CMPK1: variants seen among roughly 807,000 people sequenced by gnomAD.
The protein encoded by CMPK1 is cytidine/uridine monophosphate kinase 1, also known as UMP-CMP kinase.
Under a neutral mutation model 25.7 loss-of-function variants are expected in CMPK1, and 10 were observed. That is an observed-to-expected ratio of 0.39 (90% CI 0.24 to 0.66). CMPK1 has a LOEUF of 0.66. Ranked by LOEUF, CMPK1 falls within the 30% of genes least tolerant of loss-of-function variation. CMPK1 has a pLI of 0.48. For synonymous variants in CMPK1, 106 were observed against 101.5 expected, an observed-to-expected ratio of 1.04 and a Z score of -0.27; for missense variants, 199 against 280.5, an observed-to-expected ratio of 0.71 and a Z score of 2.08.
intron 1 of CMPK1, among the ~76,000 whole-genome samples, chr1:47,363,637 CA>C (rs1646618762): frequency 6.9e-6 from 1 of 145,568 alleles, no homozygotes. Context: ...GACTCCGCCT[CA>C]AAAACAAATA....
intron 1 of CMPK1, among the ~76,000 whole-genome samples, chr1:47,336,076 T>G (rs530558833): frequency 6.2e-4 from 94 of 152,082 alleles, no homozygotes; most frequent in Non-Finnish European, 1.2e-3. Flanking sequence ...ACTTGTCTTT[T>G]AAAAAGTAAA....
intron 1 of CMPK1, among the ~76,000 whole-genome samples, chr1:47,361,442 C>G (rs193256676): frequency 6.6e-6 from 1 of 152,048 alleles, no homozygotes; most frequent in African/African-American, 2.4e-5. Context: ...AGGTCAAAGG[C>G]GAACTATAGG....
chr1:47,363,213 C>A (rs973882119), intron 1 of CMPK1, among the ~76,000 whole-genome samples: 2 of 152,132 alleles, frequency 1.3e-5, no homozygotes, highest in African/African-American at 4.8e-5. Flanking sequence ...TTGGAGGTAA[C>A]CCCCATCATA....
In CMPK1 at chr1:47,341,521, A is replaced by G. The variant is rs541103370; in HGVS notation, c.171+7405A>G. Among the ~76,000 whole-genome samples the G allele has an allele frequency of 5.3e-5, 8 of 152,220 alleles. No individual in the cohort carries two copies. The South Asian group carries it at 1.2e-3, about 24-fold the overall frequency. On this transcript the variant is annotated intron_variant, in intron 1 of 5. Transcript: ENST00000371873. ...GTAGCTGAGATTACAGGTGTGTGCT[A>G]CCACGCCTGGCTAATTTTTGTGTTT... is the stretch of plus-strand genomic sequence containing the variant.
At chr1:47,364,313 G>T (rs992935191) in intron 1 of CMPK1, among the ~76,000 whole-genome samples, 5 of 151,574 alleles carry the variant, frequency 3.3e-5, no homozygotes, top group East Asian at 1.9e-4. Flanking sequence ...TTTTGTTTTG[G>T]TTTGGTTTTT....
intron 1 of CMPK1, among the ~76,000 whole-genome samples, chr1:47,346,636 T>A (rs1294741217): frequency 2.0e-5 from 3 of 151,938 alleles, no homozygotes; most frequent in Non-Finnish European, 4.4e-5. Context: ...CCCAAGTAAC[T>A]GGCACTACAG....
rs190918062 is a variant in CMPK1 at position 47,357,630 on chromosome 1, A to T, written c.172-10839A>T. Among the ~76,000 whole-genome samples, 408 of 151,726 alleles carry T rather than the reference A, an allele frequency of 2.7e-3. 3 individuals carry two copies. The highest frequency in any genetic ancestry group is 9.1e-3 in the African/African-American group (377 of 41,422). On this transcript the variant is annotated intron_variant, in intron 1 of 5. Transcript: ENST00000371873. ...CTCCTGAGTAGCTGGGATTACAGGC[A>T]CCCGCCGTCATGCGTGGCTGATTTT...
At chr1:47,375,357 G>A in intron 5 of CMPK1, 64 bp downstream of exon 5, 2 of 1,156,368 alleles carry the variant, frequency 1.7e-6, no homozygotes, top group African/African-American at 1.6e-5. Context: ...TTTGTTTTGG[G>A]GTAAGCAGGA....
In CMPK1 at chr1:47,333,879, T is replaced by TCCACG. The variant is rs1553186815; in HGVS notation, c.-65_-64insACGCC. 3.4e-5 allele frequency: 38 copies of TCCACG among 1,102,542 alleles called. No individual in the cohort carries two copies. Among genetic ancestry groups the TCCACG allele is most frequent in the Admixed American group, 9.7e-5 (2 of 20,528 alleles). 68.3% of individuals were successfully genotyped at this position (1,102,542 alleles called of 1,614,324 possible). A position where few individuals can be genotyped will look rare whatever the true frequency, so the allele number is the denominator to read the frequency against. On this transcript the variant is annotated 5_prime_UTR_variant, in exon 1 of 6. Transcript: ENST00000371873. Reference sequence around the variant, plus strand: ...CAGCCCGCCCCTTTCTCCCGCCGCCTCCCCGCCCCGCCCCGCGCCGCGCCG... The same window carrying TCCACG: ...CAGCCCGCCCCTTTCTCCCGCCGCCTCCACGCCCCGCCCCGCCCCGCGCCGCGCCG...
At chr1:47,353,868 C>T (rs1646538787) in intron 1 of CMPK1, among the ~76,000 whole-genome samples, 5 of 152,100 alleles carry the variant, frequency 3.3e-5, no homozygotes. Context: ...AGGCACCCGC[C>T]CCCATGCCTG....
chr1:47,358,820 C>T, intron 1 of CMPK1: 1 of 984,148 alleles, frequency 1.0e-6, no homozygotes, highest in African/African-American at 1.7e-5. Flanking sequence ...CTCCTTTGTA[C>T]ATTTTTCTGG....
intron 1 of CMPK1, among the ~76,000 whole-genome samples, chr1:47,349,747 CTTGT>C (rs372890322): frequency 1.8e-4 from 28 of 152,044 alleles, no homozygotes; most frequent in South Asian, 8.3e-4. Context: ...TCTAAATGTT[CTTGT>C]TTGTTTGTTT....
At chr1:47,356,433 AG>A (rs1646561136) in intron 1 of CMPK1, among the ~76,000 whole-genome samples, 1 of 152,162 alleles carries the variant, frequency 6.6e-6, no homozygotes, top group African/African-American at 2.4e-5. Flanking sequence ...ATGTCACAAA[AG>A]GGACAAGTCC....
rs753247958 is a variant in CMPK1 at position 47,368,459 on chromosome 1, C to T, written c.172-10C>T. ...AATTCTGATATTTTTCCTATGTGTGCTTCTTTCAGAAATATGGCTACACAC... is the reference window on the plus strand; with the variant it reads ...AATTCTGATATTTTTCCTATGTGTGTTTCTTTCAGAAATATGGCTACACAC... On this transcript the variant is annotated splice_polypyrimidine_tract_variant and intron_variant, in intron 1 of 5. Transcript: ENST00000371873. The T allele has an allele frequency of 6.3e-7, 1 of 1,589,584 alleles. No homozygotes were observed. The highest frequency in any genetic ancestry group is 1.2e-5 in the South Asian group (1 of 85,346).
In CMPK1 at chr1:47,341,982, A is replaced by G. The variant is rs565337503; in HGVS notation, c.171+7866A>G. Among the ~76,000 whole-genome samples, 18 of 152,012 alleles carry G rather than the reference A, an allele frequency of 1.2e-4. No homozygotes were observed. In the South Asian group the frequency reaches 2.7e-3, roughly 23 times the overall value. On this transcript the variant is annotated intron_variant, in intron 1 of 5. Coordinates refer to ENST00000371873, the MANE Select transcript of CMPK1 (RefSeq NM_016308.3). Reference sequence around the variant, plus strand: ...CCCCAGGCTGGAGTATAGTGGCTCTATCACTGCTCACTGCAGCCACTTGGC... The same window carrying G: ...CCCCAGGCTGGAGTATAGTGGCTCTGTCACTGCTCACTGCAGCCACTTGGC...
chr1:47,351,432 T>C (rs1211936941), intron 1 of CMPK1, among the ~76,000 whole-genome samples: 7 of 152,220 alleles, frequency 4.6e-5, no homozygotes, highest in African/African-American at 1.7e-4. Flanking sequence ...TTCCTTTTTA[T>C]GGCTCAATAA....
chr1:47,358,747 G>A (rs754652365), intron 1 of CMPK1: 21 of 984,424 alleles, frequency 2.1e-5, no homozygotes, highest in Non-Finnish European at 2.5e-5. Context: ...TTCCCCATTA[G>A]TTTGATAATT....
chr1:47,346,971 A>G (rs1646489614), intron 1 of CMPK1, among the ~76,000 whole-genome samples: 1 of 150,096 alleles, frequency 6.7e-6, no homozygotes, highest in Non-Finnish European at 1.5e-5. Flanking sequence ...TTTAGTAGAG[A>G]CGGGTTTCAC....
At chr1:47,342,988 A>AT (rs71053106) in intron 1 of CMPK1, among the ~76,000 whole-genome samples, 35 of 126,684 alleles carry the variant, frequency 2.8e-4, no homozygotes, top group African/African-American at 9.0e-4. Context: ...AACCATTTGT[A>AT]TTTTTTTTTT....
Sources: allele counts gnomAD v4.1 joint callset (sites outside exome capture counted in the v4.1 genomes callset), GRCh38; gene constraint gnomAD v4.1.1; transcripts MANE v1.5; gene names NCBI Gene and HGNC (gene_info 2026-07-23, HGNC 2026-07-21).